Variants in ALS2CL observed in about 807,000 individuals in gnomAD.
ALS2CL encodes ALS2 C-terminal-like protein.
ALS2CL carries 112 observed loss-of-function variants against 127.9 expected under a neutral mutation model. That is an observed-to-expected ratio of 0.88 (90% CI 0.75 to 1.02). The LOEUF (loss-of-function observed/expected upper bound fraction) is 1.02, where lower values mean the gene tolerates loss of function less well. ALS2CL is among the 50% of genes least tolerant of loss of function. The probability of loss-of-function intolerance (pLI) is 0.00; values close to 1 mark genes in which losing one functional copy is unlikely to be tolerated. For missense variants in ALS2CL, 1,174 were observed against 1,236.7 expected (o/e 0.95, Z 0.76); for synonymous variants, 519 against 527.6 (o/e 0.98, Z 0.22).
rs190498068 is a variant in ALS2CL at position 46,669,030 on chromosome 3, T to C, written c.*1954A>G. ...ATGCTCTTTTTTATTTATTTTATTT[T>C]TATTTTTATTTTTATTTTTGAGGCA... On this transcript the variant is annotated 3_prime_UTR_variant, in exon 26 of 26. Coordinates refer to ENST00000318962, the MANE Select transcript of ALS2CL (RefSeq NM_147129.5). The C allele has an allele frequency of 6.6e-6, 1 of 151,826 alleles. No homozygotes were observed. The highest frequency in any genetic ancestry group is 1.5e-5 in the Non-Finnish European group (1 of 68,058). The allele number at this position is 151,826 out of a possible 1,614,324, so 9.4% of individuals were successfully genotyped here. A position where few individuals can be genotyped will look rare whatever the true frequency, so the allele number is the denominator to read the frequency against.
Position 46,689,354 on chromosome 3 carries a change from C to T in ALS2CL, c.87G>A (p.Gln29=), listed in dbSNP as rs1307611073. ...TAGACTCACCGGCTGGGAGCAGGGG[C>T]TGGAGGACAAGGCTGTTGACATGGG... ...TLAHVNSLVL[Q]PLLPAAPDPS... The change falls in exon 2 of 26, where the codon CAG becomes CAA. Residue 29 remains glutamine, a synonymous_variant. Transcript: ENST00000318962. The T allele has an allele frequency of 5.6e-6, 9 of 1,612,902 alleles. No individual in the cohort carries two copies. The highest frequency in any genetic ancestry group is 7.6e-6 in the Non-Finnish European group (9 of 1,179,880).
chr3:46,677,142 G>A, intron 16 of ALS2CL, 120 bp from the exon 17 acceptor site: 1 of 1,477,152 alleles, frequency 6.8e-7, no homozygotes, highest in Non-Finnish European at 8.9e-7. Context: ...CAAGCCCCAA[G>A]AAGGGTGGAT....
At chr3:46,680,614 C>A (rs551756754) in intron 13 of ALS2CL, 73 bp from the exon 14 acceptor site, 6 of 1,420,870 alleles carry the variant, frequency 4.2e-6, no homozygotes, top group Admixed American at 1.7e-5. Flanking sequence ...TCTGCTGGCA[C>A]GGGGCGGCAG....
At chr3:46,676,021 G>T in intron 19 of ALS2CL, 1 of 1,409,802 alleles carries the variant, frequency 7.1e-7, no homozygotes, top group Non-Finnish European at 9.2e-7. Context: ...TCAGCCCAGC[G>T]CCTGGTTGGG....
At chr3:46,677,330 C>T in intron 16 of ALS2CL, 1 of 1,180,206 alleles carries the variant, frequency 8.5e-7, no homozygotes, top group Non-Finnish European at 1.1e-6. Flanking sequence ...GGTCTTGGTC[C>T]AAGAGAGACC....
At chr3:46,677,210 GAA>G in intron 16 of ALS2CL, 188 bp from the exon 17 acceptor site, 1 of 1,421,112 alleles carries the variant, frequency 7.0e-7, no homozygotes, top group Non-Finnish European at 9.1e-7. Context: ...GAGCAGCAGA[GAA>G]AGGGACAGAG....
chr3:46,674,322 C>G (rs966450293), intron 21 of ALS2CL, among the ~76,000 whole-genome samples: 8 of 152,152 alleles, frequency 5.3e-5, no homozygotes, highest in African/African-American at 1.4e-4. Context: ...GGGTATGAAC[C>G]TTGAGCGGTT....
At chr3:46,672,968 T>G in intron 22 of ALS2CL, among the ~76,000 whole-genome samples, 1 of 152,122 alleles carries the variant, frequency 6.6e-6, no homozygotes, top group Non-Finnish European at 1.5e-5. Context: ...ATCGCACCAC[T>G]GCACTCTAAC....
At chr3:46,675,998 C>T in intron 19 of ALS2CL, 1 of 1,422,086 alleles carries the variant, frequency 7.0e-7, no homozygotes, top group Non-Finnish European at 9.2e-7. Flanking sequence ...TGAGAGTGCA[C>T]CTGCGGTCAG....
Position 46,691,747 on chromosome 3 carries a change from G to A in ALS2CL, c.-26+1896C>T, listed in dbSNP as rs568812997. On this transcript the variant is annotated intron_variant, in intron 1 of 25. Transcript: ENST00000318962. ...CTTTTTTTTTTTTTTTTTTAGAGAT[G>A]GGATCTCACTATGTTGACGAGGCTG... Among the ~76,000 whole-genome samples the A allele has an allele frequency of 5.7e-3, 814 of 143,760 alleles. 6 individuals are homozygous for A. Among genetic ancestry groups the A allele is most frequent in the African/African-American group, 0.02 (772 of 38,564 alleles). The allele number at this position is 143,760 out of a possible 152,430, so 94.3% of individuals were successfully genotyped here. A position where few individuals can be genotyped will look rare whatever the true frequency, so the allele number is the denominator to read the frequency against.
chr3:46,672,308 C>A (rs1047967609), intron 22 of ALS2CL, 107 bp from the exon 23 acceptor site: 2 of 1,387,192 alleles, frequency 1.4e-6, no homozygotes, highest in Non-Finnish European at 2.0e-6. Flanking sequence ...CCCTTCACTG[C>A]CAGCTTTAGT....
rs567322118 is a variant in ALS2CL, at chr3:46,686,540, C to A, written c.535-101G>T. ...TGGGGAGGCCTGAATCTAGGCCAGA[C>A]CTTGCCCTTCTCTCCCTGACAGCTC... On this transcript the variant is annotated intron_variant, in intron 5 of 25. Transcript: ENST00000318962. The surrounding 1 kb of genome is among the most constrained non-coding windows in gnomAD (Gnocchi z 4.3). 1 of 1,463,480 alleles carries A rather than the reference C, an allele frequency of 6.8e-7. No individual in the cohort carries two copies. Among genetic ancestry groups the A allele is most frequent in the Non-Finnish European group, 9.2e-7 (1 of 1,089,582 alleles). The allele number at this position is 1,463,480 out of a possible 1,614,324, so 90.7% of individuals were successfully genotyped here. A position where few individuals can be genotyped will look rare whatever the true frequency, so the allele number is the denominator to read the frequency against.
At chr3:46,684,896 C>A (rs1251004899) in intron 7 of ALS2CL, among the ~76,000 whole-genome samples, 1 of 152,212 alleles carries the variant, frequency 6.6e-6, no homozygotes, top group Non-Finnish European at 1.5e-5. Flanking sequence ...CCCCGGCCAC[C>A]TGTCTGCAAG....
rs774252633 is a variant in ALS2CL at position 46,681,109 on chromosome 3, G to T, written c.1436+137C>A. ...CTCAGCCTGAGCCTCCGCAGCAACC[G>T]AGGGACTGGAGGGGAAGTGAGGGGC... is the stretch of plus-strand genomic sequence containing the variant. On this transcript the variant is annotated intron_variant, in intron 13 of 25. Coordinates refer to ENST00000318962, the MANE Select transcript of ALS2CL (RefSeq NM_147129.5). This position sits in a 1 kb window ranked among gnomAD's most constrained non-coding sequence, Gnocchi z 4.9. 7.2e-7 allele frequency: 1 copy of T among 1,384,548 alleles called. No individual in the cohort carries two copies. The highest frequency in any genetic ancestry group is 1.0e-6 in the Non-Finnish European group (1 of 982,228). 85.8% of individuals were successfully genotyped at this position (1,384,548 alleles called of 1,614,324 possible).
intron 16 of ALS2CL, 98 bp downstream of exon 16, chr3:46,678,161 G>A (rs1192392797): frequency 1.5e-5 from 19 of 1,298,338 alleles, no homozygotes; most frequent in East Asian, 2.7e-5. Flanking sequence ...GCTAAGAGGT[G>A]GGTGCAAAAA....
At chr3:46,675,996 C>T (rs1484546256) in intron 19 of ALS2CL, 13 of 1,420,294 alleles carry the variant, frequency 9.2e-6, no homozygotes, top group Non-Finnish European at 1.2e-5. Context: ...GGTGAGAGTG[C>T]ACCTGCGGTC....
intron 14 of ALS2CL, 56 bp downstream of exon 14, chr3:46,680,374 C>T: frequency 1.0e-5 from 16 of 1,536,658 alleles, no homozygotes; most frequent in African/African-American, 1.4e-5. Flanking sequence ...AGCCTCAGTG[C>T]CCCCAGCGGG....
chr3:46,681,617 G>T lies in ALS2CL; in HGVS notation c.1176-19C>A, dbSNP rs780208085. The T allele has an allele frequency of 4.3e-6, 7 of 1,613,398 alleles. No homozygotes were observed. The highest frequency in any genetic ancestry group is 5.1e-6 in the Non-Finnish European group (6 of 1,179,578). On this transcript the variant is annotated intron_variant, in intron 11 of 25. Transcript: ENST00000318962. The surrounding 1 kb of genome is among the most constrained non-coding windows in gnomAD (Gnocchi z 4.9). ...GCCGAAGCTGACAGCATGGTTGTGG[G>T]GGTGGGGATCAGCCCTGACCTGAGA...
rs754927261 is a variant in ALS2CL, at chr3:46,683,978, G to C, written c.845+11C>G. 3 of 1,599,082 alleles carry C rather than the reference G, an allele frequency of 1.9e-6. No homozygotes were observed. The highest frequency in any genetic ancestry group is 2.6e-6 in the Non-Finnish European group (3 of 1,172,196). ...AGAAGGCCTGGGGTGTCAGCCGAGG[G>C]GGTTGCTCACCCGTCCTGCCCAGGA... On this transcript the variant is annotated intron_variant, in intron 8 of 25. Coordinates refer to ENST00000318962, the MANE Select transcript of ALS2CL (RefSeq NM_147129.5).
Sources: allele counts gnomAD v4.1 joint callset (sites outside exome capture counted in the v4.1 genomes callset), GRCh38; gene constraint gnomAD v4.1.1; non-coding constraint Gnocchi (gnomAD v3.1); transcripts MANE v1.5; gene names NCBI Gene and HGNC (gene_info 2026-07-23, HGNC 2026-07-21).